Variants in WWOX observed in about 807,000 individuals in gnomAD.
WWOX encodes the protein WW domain containing oxidoreductase.
Under a neutral mutation model 46.2 loss-of-function variants are expected in WWOX, and 69 were observed. That is an observed-to-expected ratio of 1.49 (90% CI 1.23 to 1.82). The LOEUF (loss-of-function observed/expected upper bound fraction) is 1.82, where lower values mean the gene tolerates loss of function less well. Ranked by LOEUF, WWOX falls within the 40% of genes most tolerant of loss-of-function variation. WWOX has a pLI of 0.00. For missense variants in WWOX, 919 were observed against 542.6 expected (o/e 1.69, Z -6.89); for synonymous variants, 359 against 202.6 (o/e 1.77, Z -6.56).
At chr16:78,790,331 C>T (rs563134741) in intron 8 of WWOX, among the ~76,000 whole-genome samples, 113 of 151,930 alleles carry the variant, frequency 7.4e-4, no homozygotes, top group African/African-American at 2.6e-3. Context: ...GATGGGGTTT[C>T]ATCATGTTGG....
At chr16:78,722,155 C>T (rs77397961) in intron 8 of WWOX, among the ~76,000 whole-genome samples, 2,290 of 152,294 alleles carry the variant, frequency 0.015, 67 homozygotes, top group African/African-American at 0.053. Flanking sequence ...ATGACCAGCA[C>T]GTGGCTCACT....
At chr16:78,148,723 C>T (rs1373230089) in intron 4 of WWOX, among the ~76,000 whole-genome samples, 2 of 151,626 alleles carry the variant, frequency 1.3e-5, no homozygotes, top group South Asian at 2.1e-4. Flanking sequence ...CGGTGAAACC[C>T]CGTCTCTACT....
At chr16:79,007,237 T>TA (rs1162603350) in intron 8 of WWOX, among the ~76,000 whole-genome samples, 2 of 151,676 alleles carry the variant, frequency 1.3e-5, no homozygotes, top group Non-Finnish European at 2.9e-5. Context: ...GTGGGTGAAA[T>TA]AAAAAAGGTT....
chr16:78,673,117 G>A (rs1359978402), intron 8 of WWOX, among the ~76,000 whole-genome samples: 2 of 152,230 alleles, frequency 1.3e-5, no homozygotes, highest in African/African-American at 4.8e-5. Context: ...GAAGGTCAAC[G>A]TGCAGACATG....
In WWOX at chr16:79,016,958, G is replaced by C. The variant is rs377141422; in HGVS notation, c.1057-194650G>C. The C allele has an allele frequency of 2.0e-5, 3 of 152,220 alleles. No individual in the cohort carries two copies. In the East Asian group the frequency reaches 5.8e-4, roughly 29 times the overall value. The allele number at this position is 152,220 out of a possible 1,614,324, so 9.4% of individuals were successfully genotyped here. On this transcript the variant is annotated intron_variant, in intron 8 of 8. Transcript: ENST00000566780. The stretch of plus-strand genomic sequence containing the variant: ...CAGGTGATCCGACCACCTCGACCTC[G>C]AGAAGTGCTGGCATTATGGATGTGA...
chr16:78,907,176 T>C (rs2044987312), intron 8 of WWOX, among the ~76,000 whole-genome samples: 1 of 152,096 alleles, frequency 6.6e-6, no homozygotes, highest in Non-Finnish European at 1.5e-5. Context: ...GCTGATGGGC[T>C]GTGGATGCAA....
chr16:78,151,864 C>G (rs1038349374), intron 4 of WWOX, among the ~76,000 whole-genome samples: 9 of 152,142 alleles, frequency 5.9e-5, no homozygotes, highest in African/African-American at 2.2e-4. Flanking sequence ...CTTACGTGCA[C>G]GCTGTTCGGT....
At chr16:79,197,655 G>A (rs1253641774) in intron 8 of WWOX, among the ~76,000 whole-genome samples, 2 of 152,146 alleles carry the variant, frequency 1.3e-5, no homozygotes, top group Non-Finnish European at 2.9e-5. Context: ...TTTTTTGATC[G>A]CTTTAGAAAG....
At chr16:78,883,838 A>G (rs1269401744) in intron 8 of WWOX, among the ~76,000 whole-genome samples, 2 of 152,180 alleles carry the variant, frequency 1.3e-5, no homozygotes, top group African/African-American at 4.8e-5. Flanking sequence ...CTCTGTTTGT[A>G]AGTTTCCTGT....
At chr16:78,738,095 G>C (rs924836087) in intron 8 of WWOX, among the ~76,000 whole-genome samples, 1 of 152,092 alleles carries the variant, frequency 6.6e-6, no homozygotes, top group Non-Finnish European at 1.5e-5. Context: ...AAAGCTAGAG[G>C]TTCTAATTAT....
chr16:78,645,089 C>G (rs902235817), intron 8 of WWOX, among the ~76,000 whole-genome samples: 3 of 152,008 alleles, frequency 2.0e-5, no homozygotes, highest in Non-Finnish European at 2.9e-5. Flanking sequence ...TTCTCTAAAC[C>G]CCAAGGCTAA....
intron 8 of WWOX, among the ~76,000 whole-genome samples, chr16:79,102,582 CG>C (rs2049223673): frequency 6.6e-6 from 1 of 152,068 alleles, no homozygotes; most frequent in African/African-American, 2.4e-5. Context: ...ATATAGCAAA[CG>C]GGTAGAAGAG....
intron 8 of WWOX, among the ~76,000 whole-genome samples, chr16:79,050,982 A>G (rs2048155686): frequency 6.6e-6 from 1 of 152,224 alleles, no homozygotes; most frequent in Admixed American, 6.5e-5. Context: ...CCTTGTGAAC[A>G]CAAGACACTG....
chr16:78,462,051 T>C (rs1252169940), intron 8 of WWOX, among the ~76,000 whole-genome samples: 1 of 152,232 alleles, frequency 6.6e-6, no homozygotes, highest in East Asian at 1.9e-4. Flanking sequence ...TTTTTACATA[T>C]GCACATTATG....
At position 78,230,734 on chromosome 16, in the gene WWOX, A is replaced by C. The variant is rs146111153; in HGVS notation, c.516+66445A>C. 6.6e-5 allele frequency among the ~76,000 whole-genome samples: 10 copies of C among 152,304 alleles called. No homozygotes were observed. The East Asian group carries it at 1.4e-3, about 21-fold the overall frequency. On this transcript the variant is annotated intron_variant, in intron 5 of 8. Coordinates refer to ENST00000566780, the MANE Select transcript of WWOX (RefSeq NM_016373.4). ...TCAGTGTGAAAGGGAAGGCAAATTC[A>C]CTTTGAGCAGGGGAGGCATGATCTG...
intron 8 of WWOX, among the ~76,000 whole-genome samples, chr16:78,459,254 G>C (rs1333700621): frequency 6.6e-6 from 1 of 152,228 alleles, no homozygotes; most frequent in African/African-American, 2.4e-5. Context: ...AGTTCACACT[G>C]AAAGAGAGTG....
chr16:78,540,019 C>T (rs888692430), intron 8 of WWOX, among the ~76,000 whole-genome samples: 2 of 121,556 alleles, frequency 1.6e-5, no homozygotes, highest in Non-Finnish European at 3.4e-5. Context: ...CTCTCTCTCT[C>T]TCACACACAC....
intron 8 of WWOX, among the ~76,000 whole-genome samples, chr16:79,042,056 C>T (rs964163525): frequency 6.6e-6 from 1 of 152,126 alleles, no homozygotes; most frequent in African/African-American, 2.4e-5. Context: ...TGGAGGGAAA[C>T]TGATTAACTC....
rs143165251 is a variant in WWOX, at chr16:78,750,860, T to C, written c.1056+318108T>C. On this transcript the variant is annotated intron_variant, in intron 8 of 8. Transcript: ENST00000566780. ...TATGGCTGTGTAGTATTTCGTGGTGTATACGTACCACATTTTCTTTAACTA... is the reference window on the plus strand; with the variant it reads ...TATGGCTGTGTAGTATTTCGTGGTGCATACGTACCACATTTTCTTTAACTA... Among the ~76,000 whole-genome samples, 285 of 152,348 alleles carry C rather than the reference T, an allele frequency of 1.9e-3. 1 individual carries two copies. The highest frequency in any genetic ancestry group is 6.3e-3 in the African/African-American group (262 of 41,584).
Sources: gnomAD v4.1 joint callset for allele counts (sites outside exome capture counted in the v4.1 genomes callset) on GRCh38, gnomAD v4.1.1 for gene constraint, MANE v1.5 for transcripts, NCBI Gene and HGNC (gene_info 2026-07-23, HGNC 2026-07-21) for gene names.